The following LRRC41 variants were observed in gnomAD, a reference collection of about 807,000 sequenced individuals.
LRRC41 encodes leucine-rich repeat-containing protein 41.
In LRRC41, 17 loss-of-function variants were observed where a neutral mutation model predicts 72.1. That is an observed-to-expected ratio of 0.24 (90% CI 0.16 to 0.35). The LOEUF (loss-of-function observed/expected upper bound fraction) is 0.35, where lower values mean the gene tolerates loss of function less well. Among genes scored for constraint, LRRC41 ranks in the 10% least tolerant of loss-of-function variants. The pLI, the probability that LRRC41 is intolerant of heterozygous loss-of-function variation, is 1.00. For synonymous variants in LRRC41, 427 were observed against 431.0 expected, an observed-to-expected ratio of 0.99 and a Z score of 0.11; for missense variants, 759 against 1,065.0, an observed-to-expected ratio of 0.71 and a Z score of 4.00.
intron 4 of LRRC41, among the ~76,000 whole-genome samples, chr1:46,283,130 CAG>C (rs1660814506): frequency 6.6e-6 from 1 of 151,568 alleles, no homozygotes; most frequent in Non-Finnish European, 1.5e-5. Context: ...AAATGAATGA[CAG>C]GGTCATTTTT....
intron 3 of LRRC41, among the ~76,000 whole-genome samples, chr1:46,295,445 T>A (rs552750938): frequency 6.6e-6 from 1 of 152,232 alleles, no homozygotes. Context: ...TTGTTCACCA[T>A]TGTATCCCTG....
chr1:46,302,326 G>A lies in LRRC41; in HGVS notation c.199+798C>T. ...CCTGTCCGTCATTCGAGCCTCCCTC[G>A]CTTGTTTAAGCCGCTCCGGGCCCCC... On this transcript the variant is annotated intron_variant, in intron 1 of 9. Coordinates refer to ENST00000617190, the MANE Select transcript of LRRC41 (RefSeq NM_006369.5). This position sits in a 1 kb window ranked among gnomAD's most constrained non-coding sequence, Gnocchi z 4.7. The A allele has an allele frequency of 4.1e-6, 4 of 985,324 alleles. No individual in the cohort carries two copies. Among genetic ancestry groups the A allele is most frequent in the Non-Finnish European group, 4.8e-6 (4 of 829,906 alleles). 61.0% of individuals were successfully genotyped at this position (985,324 alleles called of 1,614,324 possible).
intron 4 of LRRC41, among the ~76,000 whole-genome samples, chr1:46,283,477 AAGTTGGATGTAATG>A (rs1010134659): frequency 5.3e-5 from 8 of 152,122 alleles, no homozygotes; most frequent in African/African-American, 1.9e-4. Flanking sequence ...AAATGCATTC[AAGTTGGATGTAATG>A]AGTTGGGTGG....
chr1:46,290,381 CCTGGGCAA>C (rs1660982337), intron 3 of LRRC41, among the ~76,000 whole-genome samples: 1 of 152,146 alleles, frequency 6.6e-6, no homozygotes, highest in Admixed American at 6.5e-5. Context: ...TGCACTTCAG[CCTGGGCAA>C]CTGGAGTGAG....
At position 46,303,315 on chromosome 1, in the gene LRRC41, G is replaced by A. The variant is rs1661288677; in HGVS notation, c.8C>T (p.Ala3Val). 3 of 1,525,048 alleles carry A rather than the reference G, an allele frequency of 2.0e-6. No homozygotes were observed. Among genetic ancestry groups the A allele is most frequent in the African/African-American group, 1.4e-5 (1 of 71,800 alleles). The allele number at this position is 1,525,048 out of a possible 1,614,324, so 94.5% of individuals were successfully genotyped here. The change falls in exon 1 of 10, where the codon GCG becomes GTG. Residue 3 changes from alanine (A) to valine (V), a missense_variant. Coordinates refer to ENST00000617190, the MANE Select transcript of LRRC41 (RefSeq NM_006369.5). ...ACTCCGGGCGCGCCAGGCCTCGGGC[G>A]CCGCCATCTTGGGGAGGTGCGCGAG... MA[A>V]PEAWRARSCW... is the part of the protein sequence containing the mutation.
At position 46,302,431 on chromosome 1, in the gene LRRC41, C is replaced by G. The variant is rs1000106401; in HGVS notation, c.199+693G>C. On this transcript the variant is annotated intron_variant, in intron 1 of 9. Transcript: ENST00000617190. The surrounding 1 kb of genome is among the most constrained non-coding windows in gnomAD (Gnocchi z 4.7). Reference sequence around the variant, plus strand: ...GGCGCTCCCTGTCCTGCGGGTCGCACGGTCGCTCGGTCGCTTAGTCAGTTT... The same window carrying G: ...GGCGCTCCCTGTCCTGCGGGTCGCAGGGTCGCTCGGTCGCTTAGTCAGTTT... The G allele has an allele frequency of 2.6e-5, 26 of 985,268 alleles. No homozygotes were observed. Among genetic ancestry groups the G allele is most frequent in the African/African-American group, 7.0e-5 (4 of 57,226 alleles). 61.0% of individuals were successfully genotyped at this position (985,268 alleles called of 1,614,324 possible).
At position 46,285,746 on chromosome 1, in the gene LRRC41, T is replaced by A; in HGVS notation, c.1111A>T (p.Thr371Ser). 2 of 1,603,806 alleles carry A rather than the reference T, an allele frequency of 1.2e-6. No individual in the cohort carries two copies. The highest frequency in any genetic ancestry group is 1.7e-6 in the Non-Finnish European group (2 of 1,174,950). The stretch of plus-strand genomic sequence containing the variant: ...GCTGGTGCCCGTTTGTATGAGGATG[T>A]AGAAGAAGAGGCAGAGGAGGTGGCT... The part of the protein sequence containing the change: ...PAATSSASSS[T>S]SSYKRAPASS... Residue 371 changes from threonine to serine, a missense_variant, in exon 4 of 10, where the codon ACA (threonine) becomes TCA (serine). Thr to Ser is a moderately conservative substitution (Grantham distance 58). Around this residue, in one of 4 missense-constraint regions of LRRC41, gnomAD observed 427 missense variants for 520.9 expected, o/e 0.82. Coordinates refer to ENST00000617190, the MANE Select transcript of LRRC41 (RefSeq NM_006369.5). This position sits in a 1 kb window ranked among gnomAD's most constrained non-coding sequence, Gnocchi z 5.3.
At position 46,286,507 on chromosome 1, in the gene LRRC41, G is replaced by A. The variant is rs1308500436; in HGVS notation, c.358-8C>T. ...TCGCCAACATGTCACACTCTGAAAC[G>A]CAGAAAACATGCCAGACAGCCATGA... On this transcript the variant is annotated splice_polypyrimidine_tract_variant and splice_region_variant and intron_variant, in intron 3 of 9. Transcript: ENST00000617190. The surrounding 1 kb of genome is among the most constrained non-coding windows in gnomAD (Gnocchi z 5.5). The A allele has an allele frequency of 1.3e-6, 2 of 1,580,562 alleles. No homozygotes were observed. Among genetic ancestry groups the A allele is most frequent in the Non-Finnish European group, 1.7e-6 (2 of 1,162,280 alleles).
At chr1:46,280,761 A>G (rs1660757148) in intron 5 of LRRC41, among the ~76,000 whole-genome samples, 1 of 152,236 alleles carries the variant, frequency 6.6e-6, no homozygotes, top group Non-Finnish European at 1.5e-5. Flanking sequence ...CCTTGTAGAA[A>G]TTTTAGACCA....
intron 5 of LRRC41, among the ~76,000 whole-genome samples, 195 bp from the exon 6 acceptor site, chr1:46,280,755 G>C (rs1343639497): frequency 2.0e-4 from 30 of 152,324 alleles, no homozygotes; most frequent in Admixed American, 1.7e-3. Context: ...CCTTGCCCTT[G>C]TAGAAATTTT....
chr1:46,300,190 G>C (rs1245442608), intron 1 of LRRC41: 2 of 152,040 alleles, frequency 1.3e-5, no homozygotes, highest in Admixed American at 6.6e-5. Flanking sequence ...AAATTAGCTG[G>C]GTGTTGTGGG....
Position 46,302,961 on chromosome 1 carries a change from C to T in LRRC41, c.199+163G>A, listed in dbSNP as rs1661275782. On this transcript the variant is annotated intron_variant, in intron 1 of 9. Transcript: ENST00000617190. This position sits in a 1 kb window ranked among gnomAD's most constrained non-coding sequence, Gnocchi z 4.7. ...TTTAGGTCTCCGTCTTTACTCTGTC[C>T]AGCCCTGTCAGTCACAAAATTCATT... The T allele has an allele frequency of 2.0e-6, 2 of 985,142 alleles. No homozygotes were observed. The highest frequency in any genetic ancestry group is 2.4e-6 in the Non-Finnish European group (2 of 829,836). The allele number at this position is 985,142 out of a possible 1,614,324, so 61.0% of individuals were successfully genotyped here. A position where few individuals can be genotyped will look rare whatever the true frequency, so the allele number is the denominator to read the frequency against.
At position 46,285,312 on chromosome 1, in the gene LRRC41, G is replaced by T; in HGVS notation, c.1495+50C>A. On this transcript the variant is annotated intron_variant, in intron 4 of 9. Transcript: ENST00000617190. The surrounding 1 kb of genome is among the most constrained non-coding windows in gnomAD (Gnocchi z 5.3). ...CCTCCCTAGAATTAGGCACACAGCT[G>T]GTGCTGCTAGGCAATCTAAGCCCAA... The T allele has an allele frequency of 6.3e-7, 1 of 1,588,548 alleles. No homozygotes were observed. Among genetic ancestry groups the T allele is most frequent in the Non-Finnish European group, 8.6e-7 (1 of 1,164,210 alleles).
chr1:46,303,249 G>A lies in LRRC41; in HGVS notation c.74C>T (p.Ala25Val), dbSNP rs1214114331. ...CGCTGGCGCCGCCTCCCGGGACGTG[G>A]CCTCCATGGTCGTTGCCGCCGCTAC... ...CEVAAATTME[A>V]TSREAAPAKS... Residue 25 changes from alanine to valine, a missense_variant, in exon 1 of 10, where the codon GCC (alanine) becomes GTC (valine). Transcript: ENST00000617190. 1 of 1,550,866 alleles carries A rather than the reference G, an allele frequency of 6.4e-7. No individual in the cohort carries two copies. Among genetic ancestry groups the A allele is most frequent in the South Asian group, 1.2e-5 (1 of 84,514 alleles).
Position 46,281,291 on chromosome 1 carries a change from C to G in LRRC41, c.1590G>C (p.Leu530=). The change falls in exon 5 of 10, where the codon CTG becomes CTC. Residue 530 remains leucine (L), a synonymous_variant. Transcript: ENST00000617190. ...GCTCCAGGATGGGCAGTGGTGAGAACAGGTCACTGAGATGCAGGGCACGGA... is the reference window on the plus strand; with the variant it reads ...GCTCCAGGATGGGCAGTGGTGAGAAGAGGTCACTGAGATGCAGGGCACGGA... ...CRLRALHLSD[L]FSPLPILELT... The G allele has an allele frequency of 6.2e-7, 1 of 1,614,198 alleles. No individual in the cohort carries two copies. Among genetic ancestry groups the G allele is most frequent in the Non-Finnish European group, 8.5e-7 (1 of 1,180,026 alleles).
intron 4 of LRRC41, among the ~76,000 whole-genome samples, chr1:46,282,181 T>C (rs1342563564): frequency 1.3e-5 from 2 of 151,928 alleles, no homozygotes; most frequent in African/African-American, 4.8e-5. Flanking sequence ...GGCAGGGCAC[T>C]GGAGGCCACA....
Position 46,277,858 on chromosome 1 carries a change from C to T in LRRC41, c.*1007G>A, listed in dbSNP as rs1412503443. The T allele has an allele frequency of 1.2e-6, 2 of 1,613,046 alleles. No individual in the cohort carries two copies. The highest frequency in any genetic ancestry group is 1.3e-5 in the African/African-American group (1 of 75,012). ...AGAAGATCTTCCAGCGTCAGAGCCACAAGAAGGCACTGAGCAGCTGTGTGG... is the reference window on the plus strand; with the variant it reads ...AGAAGATCTTCCAGCGTCAGAGCCATAAGAAGGCACTGAGCAGCTGTGTGG... On this transcript the variant is annotated 3_prime_UTR_variant, in exon 10 of 10. Transcript: ENST00000617190.
Position 46,286,320 on chromosome 1 carries a change from C to A in LRRC41, c.537G>T (p.Leu179=), listed in dbSNP as rs149299991. 5.6e-6 allele frequency: 9 copies of A among 1,614,222 alleles called. No individual in the cohort carries two copies. Among genetic ancestry groups the A allele is most frequent in the Middle Eastern group, 3.3e-4 (2 of 6,062 alleles). ...ICNMLQGATE[L]VAEPNRRVLE... is the part of the protein sequence containing the mutation. ...GAACCCTGCGGTTGGGCTCAGCCAC[C>A]AGCTCGGTTGCACCCTGCAGCATGT... is the stretch of plus-strand genomic sequence containing the variant. Residue 179 remains leucine, a synonymous_variant, in exon 4 of 10, where the codon CTG becomes CTT. Transcript: ENST00000617190. This position sits in a 1 kb window ranked among gnomAD's most constrained non-coding sequence, Gnocchi z 5.5.
At position 46,303,248 on chromosome 1, in the gene LRRC41, G is replaced by A; in HGVS notation, c.75C>T (p.Ala25=). ...CEVAAATTME[A]TSREAAPAKS... is the part of the protein sequence containing the mutation. ...TCGCTGGCGCCGCCTCCCGGGACGT[G>A]GCCTCCATGGTCGTTGCCGCCGCTA... The change falls in exon 1 of 10, where the codon GCC becomes GCT. Residue 25 remains alanine, a synonymous_variant. Coordinates refer to ENST00000617190, the MANE Select transcript of LRRC41 (RefSeq NM_006369.5). 6.4e-7 allele frequency: 1 copy of A among 1,551,030 alleles called. No homozygotes were observed.
Sources: allele counts gnomAD v4.1 joint callset (sites outside exome capture counted in the v4.1 genomes callset), GRCh38; gene constraint gnomAD v4.1.1; regional missense constraint gnomAD v4.1.1; non-coding constraint Gnocchi (gnomAD v3.1); transcripts MANE v1.5; gene names NCBI Gene and HGNC (gene_info 2026-07-23, HGNC 2026-07-21).